MYO1E: variants seen among roughly 807,000 people sequenced by gnomAD.
MYO1E encodes the protein myosin IE.
MYO1E carries 68 observed loss-of-function variants against 151.1 expected under a neutral mutation model. That is an observed-to-expected ratio of 0.45 (90% confidence interval 0.37 to 0.55). The LOEUF (loss-of-function observed/expected upper bound fraction) is 0.55, where lower values mean the gene tolerates loss of function less well. Among genes scored for constraint, MYO1E ranks in the 20% least tolerant of loss-of-function variants. The pLI is 0.00. For missense variants in MYO1E, 1,363 were observed against 1,389.3 expected, an observed-to-expected ratio of 0.98 and a Z score of 0.30; for synonymous variants, 601 against 501.7, an observed-to-expected ratio of 1.20 and a Z score of -2.64.
intron 4 of MYO1E, among the ~76,000 whole-genome samples, chr15:59,249,826 G>C (rs533150680): frequency 6.6e-6 from 1 of 152,146 alleles, no homozygotes; most frequent in South Asian, 2.1e-4. Flanking sequence ...CATTCAACTC[G>C]GCCCCTAACA....
chr15:59,173,601 G>T, intron 21 of MYO1E, 145 bp downstream of exon 21: 1 of 908,208 alleles, frequency 1.1e-6, no homozygotes, highest in Non-Finnish European at 1.8e-6. Flanking sequence ...ATAGGTGCCT[G>T]TTTATCTTTT....
chr15:59,151,050 C>T (rs1021554008), intron 26 of MYO1E, among the ~76,000 whole-genome samples: 4 of 129,026 alleles, frequency 3.1e-5, no homozygotes, highest in African/African-American at 7.5e-5. Context: ...CACACACACA[C>T]GCGCGCGCGC....
At chr15:59,251,533 T>G (rs1434603984) in intron 4 of MYO1E, among the ~76,000 whole-genome samples, 2 of 152,186 alleles carry the variant, frequency 1.3e-5, no homozygotes, top group African/African-American at 4.8e-5. Context: ...TTTTAGATGA[T>G]GTTGAAAATG....
intron 1 of MYO1E, among the ~76,000 whole-genome samples, chr15:59,306,810 T>G (rs537574292): frequency 1.5e-4 from 23 of 152,326 alleles, no homozygotes; most frequent in African/African-American, 5.5e-4. Flanking sequence ...GCCAAGATGG[T>G]GAGGCACGCC....
Position 59,178,470 on chromosome 15 carries a change from G to A in MYO1E, c.1972C>T (p.Leu658=). The A allele has an allele frequency of 1.9e-6, 3 of 1,614,216 alleles. No individual in the cohort carries two copies. The highest frequency in any genetic ancestry group is 2.2e-5 in the South Asian group (2 of 91,084). Residue 658 remains leucine, a synonymous_variant, in exon 19 of 28, where the codon CTG becomes TTG. Transcript: ENST00000288235. ...CTGTCCATGTTGACCGACTGCAGCAGGTGCAGGACGCCTTGCTTCTCCTCT... is the reference window on the plus strand; with the variant it reads ...CTGTCCATGTTGACCGACTGCAGCAAGTGCAGGACGCCTTGCTTCTCCTCT... The part of the protein sequence containing the change: ...QGEEKQGVLH[L]LQSVNMDSDQ...
Position 59,132,829 on chromosome 15 carries a change from A to T in MYO1E, c.*4551T>A, listed in dbSNP as rs2079352791. The T allele has an allele frequency of 6.6e-6, 1 of 152,238 alleles. No individual in the cohort carries two copies. The allele number at this position is 152,238 out of a possible 1,614,324, so 9.4% of individuals were successfully genotyped here. On this transcript the variant is annotated 3_prime_UTR_variant, in exon 28 of 28. Transcript: ENST00000288235. ...TCTAGTGTGAAGAAGATACTTGAACATAGCTGTTAATTATTTTAAAGAGAA... is the reference window on the plus strand; with the variant it reads ...TCTAGTGTGAAGAAGATACTTGAACTTAGCTGTTAATTATTTTAAAGAGAA...
At chr15:59,355,466 C>T (rs537411242) in intron 1 of MYO1E, among the ~76,000 whole-genome samples, 5 of 152,262 alleles carry the variant, frequency 3.3e-5, no homozygotes, top group African/African-American at 1.2e-4. Context: ...GGATACTTCA[C>T]CCAGCCACCT....
intron 2 of MYO1E, among the ~76,000 whole-genome samples, chr15:59,264,662 G>A (rs1318451828): frequency 1.3e-5 from 2 of 152,140 alleles, no homozygotes; most frequent in African/African-American, 4.8e-5. Context: ...TTGCATACTC[G>A]AAAACCTAAT....
chr15:59,216,026 T>C (rs1271010526), intron 10 of MYO1E, among the ~76,000 whole-genome samples: 1 of 152,162 alleles, frequency 6.6e-6, no homozygotes, highest in Non-Finnish European at 1.5e-5. Context: ...ATCCTTTAAA[T>C]AGCCACTAAA....
chr15:59,326,696 T>A (rs1430599299), intron 1 of MYO1E, among the ~76,000 whole-genome samples: 1 of 152,254 alleles, frequency 6.6e-6, no homozygotes, highest in Non-Finnish European at 1.5e-5. Flanking sequence ...ATTCCATTTT[T>A]GTCTATGAAC....
At chr15:59,285,108 T>C (rs1252110258) in intron 1 of MYO1E, among the ~76,000 whole-genome samples, 3 of 152,314 alleles carry the variant, frequency 2.0e-5, no homozygotes, top group Admixed American at 6.5e-5. Flanking sequence ...TTCAGGAATG[T>C]AACTTTTCTT....
At chr15:59,292,490 A>C (rs1481683168) in intron 1 of MYO1E, among the ~76,000 whole-genome samples, 1 of 152,250 alleles carries the variant, frequency 6.6e-6, no homozygotes, top group African/African-American at 2.4e-5. Context: ...AGGATGGACA[A>C]CAATACGAAA....
At chr15:59,264,045 T>C (rs916369821) in intron 2 of MYO1E, among the ~76,000 whole-genome samples, 2 of 152,242 alleles carry the variant, frequency 1.3e-5, no homozygotes, top group Non-Finnish European at 2.9e-5. Flanking sequence ...TCAGGTTGAC[T>C]GTCCCTTATC....
intron 16 of MYO1E, among the ~76,000 whole-genome samples, chr15:59,198,708 A>G (rs887783885): frequency 6.6e-6 from 1 of 152,062 alleles, no homozygotes; most frequent in South Asian, 2.1e-4. Flanking sequence ...TAGTCCAGCC[A>G]CGTGGGAGGA....
chr15:59,171,784 T>C lies in MYO1E; in HGVS notation c.2480+113A>G, dbSNP rs1434313946. 2.2e-6 allele frequency: 3 copies of C among 1,353,792 alleles called. No homozygotes were observed. In the Admixed American group the frequency reaches 5.2e-5, roughly 23 times the overall value. The allele number at this position is 1,353,792 out of a possible 1,614,324, so 83.9% of individuals were successfully genotyped here. A position where few individuals can be genotyped will look rare whatever the true frequency, so the allele number is the denominator to read the frequency against. ...AAGGGAAATTCCATTCTCTTGATCATGATTTTGACAGCTGGGAAGCCCAGC... is the reference window on the plus strand; with the variant it reads ...AAGGGAAATTCCATTCTCTTGATCACGATTTTGACAGCTGGGAAGCCCAGC... On this transcript the variant is annotated intron_variant, in intron 22 of 27. Transcript: ENST00000288235.
intron 1 of MYO1E, among the ~76,000 whole-genome samples, chr15:59,346,415 T>C (rs2080794543): frequency 6.6e-6 from 1 of 152,202 alleles, no homozygotes; most frequent in Admixed American, 6.5e-5. Context: ...GTCTCATGTT[T>C]TTGAAGCAAG....
chr15:59,353,649 C>T (rs1222977001), intron 1 of MYO1E, among the ~76,000 whole-genome samples: 1 of 150,808 alleles, frequency 6.6e-6, no homozygotes, highest in African/African-American at 2.4e-5. Flanking sequence ...CCCAGCTACT[C>T]GGAAGGCTGA....
intron 3 of MYO1E, among the ~76,000 whole-genome samples, chr15:59,260,071 C>A (rs2080216587): frequency 6.6e-6 from 1 of 152,216 alleles, no homozygotes; most frequent in South Asian, 2.1e-4. Flanking sequence ...TAAAATTGAG[C>A]ATATTTTTTA....
chr15:59,148,653 T>C (rs2079456232), intron 26 of MYO1E, among the ~76,000 whole-genome samples: 1 of 152,182 alleles, frequency 6.6e-6, no homozygotes, highest in South Asian at 2.1e-4. Flanking sequence ...AATATTGCTA[T>C]TGGACACTTG....
Sources: allele counts gnomAD v4.1 joint callset (sites outside exome capture counted in the v4.1 genomes callset), GRCh38; gene constraint gnomAD v4.1.1; transcripts MANE v1.5; gene names NCBI Gene and HGNC (gene_info 2026-07-23, HGNC 2026-07-21).